Variants in SEC22C observed in about 807,000 individuals in gnomAD.
SEC22C encodes the protein SEC22 homolog C, vesicle trafficking protein.
In SEC22C, 29 loss-of-function variants were observed where a neutral mutation model predicts 34.7. The observed-to-expected ratio is 0.84, with a 90% CI of 0.62 to 1.14. The LOEUF is 1.14. Among genes scored for constraint, SEC22C ranks in the 50% most tolerant of loss-of-function variants. The pLI, the probability that SEC22C is intolerant of heterozygous loss-of-function variation, is 0.00. For missense variants in SEC22C, 337 were observed against 369.0 expected, an observed-to-expected ratio of 0.91 and a Z score of 0.71; for synonymous variants, 117 against 132.8, an observed-to-expected ratio of 0.88 and a Z score of 0.82.
intron 2 of SEC22C, 56 bp from the exon 3 acceptor site, chr3:42,563,742 C>A: frequency 6.2e-7 from 1 of 1,609,120 alleles, no homozygotes; most frequent in South Asian, 1.1e-5. Flanking sequence ...GTATTCCCAT[C>A]CCACACCCAG....
In SEC22C at chr3:42,557,641, G is replaced by A; in HGVS notation, c.582C>T (p.Leu194=). The A allele has an allele frequency of 6.2e-7, 1 of 1,612,400 alleles. No individual in the cohort carries two copies. The highest frequency in any genetic ancestry group is 8.5e-7 in the Non-Finnish European group (1 of 1,178,940). ...GATTCAGGGCAGCACACATGATGTT[G>A]AGAATGAGGGAGAGGATACCCAGGG... ...VTALGILSLI[L]NIMCAALNLI... Residue 194 remains leucine, a synonymous_variant, in exon 5 of 7, where the codon CTC becomes CTT. Transcript: ENST00000264454.
At chr3:42,563,135 T>A (rs1703022887) in intron 3 of SEC22C, among the ~76,000 whole-genome samples, 1 of 152,244 alleles carries the variant, frequency 6.6e-6, no homozygotes, top group Non-Finnish European at 1.5e-5. Context: ...AACTCAACTC[T>A]GCTGTCGTGG....
intron 4 of SEC22C, among the ~76,000 whole-genome samples, chr3:42,560,199 T>A (rs12488741): frequency 0.01 from 1,468 of 145,620 alleles, 70 homozygotes; most frequent in Admixed American, 0.075. Context: ...ATTATATATA[T>A]AATATATATA....
upstream of SEC22C, among the ~76,000 whole-genome samples, chr3:42,583,143 G>C: frequency 6.6e-6 from 1 of 152,202 alleles, no homozygotes. Context: ...TAGGACCATA[G>C]AACACTGGTC....
chr3:42,554,104 T>TA (rs892315334), intron 6 of SEC22C, among the ~76,000 whole-genome samples: 3 of 151,144 alleles, frequency 2.0e-5, no homozygotes, highest in Non-Finnish European at 3.0e-5. Context: ...TTTTTTTTTT[T>TA]AAAAAAAGGA....
At chr3:42,589,981 CTAAAGCCAGGCTGCCCG>C (rs1292477730) in intron 1 of SEC22C, among the ~76,000 whole-genome samples, 1 of 152,204 alleles carries the variant, frequency 6.6e-6, no homozygotes, top group Non-Finnish European at 1.5e-5. Context: ...GGTGAGAGTT[CTAAAGCCAGGCTGCCCG>C]TATTCAGAGA....
At position 42,552,675 on chromosome 3, in the gene SEC22C, T is replaced by C; in HGVS notation, c.*573A>G. 2.0e-6 allele frequency: 2 copies of C among 982,452 alleles called. No homozygotes were observed. Among genetic ancestry groups the C allele is most frequent in the Non-Finnish European group, 2.4e-6 (2 of 827,222 alleles). The allele number at this position is 982,452 out of a possible 1,614,324, so 60.9% of individuals were successfully genotyped here. ...CTCACCCTAAATGAAGTCCAATTTA[T>C]ATCCAAAATATAATTAAATATTCCA... is the stretch of plus-strand genomic sequence containing the variant. On this transcript the variant is annotated 3_prime_UTR_variant, in exon 7 of 7. Coordinates refer to ENST00000264454, the MANE Select transcript of SEC22C (RefSeq NM_032970.4).
At chr3:42,594,360 A>C in intron 1 of SEC22C, 1 of 1,318,002 alleles carries the variant, frequency 7.6e-7, no homozygotes, top group Non-Finnish European at 1.1e-6. Flanking sequence ...ATTATTTTCC[A>C]GTTTTTTGTT....
chr3:42,598,307 C>T lies in SEC22C; in HGVS notation c.-28+2653G>A, dbSNP rs533987200. On this transcript the variant is annotated intron_variant, in intron 1 of 6. Transcript: ENST00000417572. Reference sequence around the variant, plus strand: ...ATGGAAGACATGCTGAGTGAAATCACCCAGCTACAAAAGAACAAATTTTTT... The same window carrying T: ...ATGGAAGACATGCTGAGTGAAATCATCCAGCTACAAAAGAACAAATTTTTT... Among the ~76,000 whole-genome samples the T allele has an allele frequency of 2.0e-5, 3 of 152,078 alleles. No homozygotes were observed. The East Asian group carries it at 5.8e-4, about 29-fold the overall frequency.
intron 4 of SEC22C, 76 bp from the exon 5 acceptor site, chr3:42,557,772 T>C: frequency 1.4e-6 from 1 of 716,774 alleles, no homozygotes; most frequent in Non-Finnish European, 2.5e-6. Context: ...AGACATTAAC[T>C]AGACCTACAC....
At chr3:42,585,973 T>C (rs752453735), upstream of SEC22C, among the ~76,000 whole-genome samples, 6 of 151,052 alleles carry the variant, frequency 4.0e-5, no homozygotes, top group Non-Finnish European at 7.4e-5. Context: ...CCCAGGAACC[T>C]CCGTTACTGA....
intron 4 of SEC22C, among the ~76,000 whole-genome samples, chr3:42,560,586 C>G (rs1224926575): frequency 2.0e-5 from 3 of 151,858 alleles, no homozygotes; most frequent in Non-Finnish European, 2.9e-5. Context: ...TCTTCGGCTC[C>G]TGAATTTCAT....
In SEC22C at chr3:42,563,192, G is replaced by A. The variant is rs183136489; in HGVS notation, c.346+331C>T. Among the ~76,000 whole-genome samples, 18 of 152,340 alleles carry A rather than the reference G, an allele frequency of 1.2e-4. No homozygotes were observed. In the South Asian group the frequency reaches 1.4e-3, roughly 12 times the overall value. ...CATGTAAAAGAATAAGCATAGCCACGTTCTGCTTTATTTATAAAACAGGCG... is the reference window on the plus strand; with the variant it reads ...CATGTAAAAGAATAAGCATAGCCACATTCTGCTTTATTTATAAAACAGGCG... On this transcript the variant is annotated intron_variant, in intron 3 of 6. Coordinates refer to ENST00000264454, the MANE Select transcript of SEC22C (RefSeq NM_032970.4).
At chr3:42,589,093 T>G (rs1704719123) in intron 1 of SEC22C, among the ~76,000 whole-genome samples, 1 of 151,116 alleles carries the variant, frequency 6.6e-6, no homozygotes, top group Non-Finnish European at 1.5e-5. Context: ...TGAAACCCCA[T>G]GTCTACTAAA....
At chr3:42,600,505 G>C (rs1314900614) in intron 1 of SEC22C, 1 of 151,890 alleles carries the variant, frequency 6.6e-6, no homozygotes, top group Non-Finnish European at 1.5e-5. Flanking sequence ...AGGTATAGGA[G>C]CGCTGGCTGG....
At position 42,549,128 on chromosome 3, in the gene SEC22C, C is replaced by T; in HGVS notation, c.*4120G>A. 1 of 992,496 alleles carries T rather than the reference C, an allele frequency of 1.0e-6. No homozygotes were observed. Among genetic ancestry groups the T allele is most frequent in the Non-Finnish European group, 1.2e-6 (1 of 833,726 alleles). The allele number at this position is 992,496 out of a possible 1,614,324, so 61.5% of individuals were successfully genotyped here. ...TCTCAAGGGCACAGCTACACTCTTT[C>T]TCCACCATTATTAACACTCACAGGG... is the stretch of plus-strand genomic sequence containing the variant. On this transcript the variant is annotated 3_prime_UTR_variant, in exon 7 of 7. Transcript: ENST00000264454.
rs765656539 is a variant in SEC22C, at chr3:42,563,658, T to G, written c.211A>C (p.Met71Leu). ...HFSSFGDVAC[M>L]AICSCQCPAA... ...GGACACTGGCAGGAGCAGATAGCCATGCAGGCCACGTCCCCGAAAGAAGAA... is the reference window on the plus strand; with the variant it reads ...GGACACTGGCAGGAGCAGATAGCCAGGCAGGCCACGTCCCCGAAAGAAGAA... The change falls in exon 3 of 7, where the codon ATG becomes CTG. Residue 71 changes from methionine to leucine, a missense_variant. By Grantham distance (15) the Met-to-Leu change is conservative (BLOSUM62 2). Transcript: ENST00000264454. 1 of 1,614,128 alleles carries G rather than the reference T, an allele frequency of 6.2e-7. No individual in the cohort carries two copies. The highest frequency in any genetic ancestry group is 8.5e-7 in the Non-Finnish European group (1 of 1,180,002).
chr3:42,590,163 T>C (rs1245419402), intron 1 of SEC22C, among the ~76,000 whole-genome samples: 3 of 152,200 alleles, frequency 2.0e-5, no homozygotes, highest in African/African-American at 7.2e-5. Flanking sequence ...GAATTTCTCG[T>C]TCAGCAAAGA....
At chr3:42,590,826 A>C in intron 1 of SEC22C, 1 of 1,512,716 alleles carries the variant, frequency 6.6e-7, no homozygotes, top group Non-Finnish European at 9.2e-7. Flanking sequence ...CATCCAATCA[A>C]CTTCGAGAGC....
Sources: gnomAD v4.1 joint callset for allele counts (sites outside exome capture counted in the v4.1 genomes callset) on GRCh38, gnomAD v4.1.1 for gene constraint, MANE v1.5 for transcripts, NCBI Gene and HGNC (gene_info 2026-07-23, HGNC 2026-07-21) for gene names.